PSD3: variants seen among roughly 807,000 people sequenced by gnomAD.
The protein encoded by PSD3 is pleckstrin and Sec7 domain containing 3.
Under a neutral mutation model 105.5 loss-of-function variants are expected in PSD3, and 49 were observed. The observed-to-expected ratio is 0.46, with a 90% CI of 0.37 to 0.59. PSD3 has a LOEUF of 0.59. PSD3 is among the 20% of genes least tolerant of loss of function. PSD3 has a pLI of 0.00. For synonymous variants in PSD3, 557 were observed against 457.8 expected (o/e 1.22, Z -2.77); for missense variants, 1,561 against 1,263.8 (o/e 1.24, Z -3.57).
chr8:18,972,193 C>G lies in PSD3; in HGVS notation c.22-36051G>C, dbSNP rs183657999. Among the ~76,000 whole-genome samples the G allele has an allele frequency of 1.3e-5, 2 of 152,228 alleles. 1 individual carries two copies. The highest frequency in any genetic ancestry group is 1.3e-4 in the Admixed American group (2 of 15,296). Reference sequence around the variant, plus strand: ...CATTAAAACAAACCAAATAGAGTGTCCTTCTGTCAACTAGGCTCCTACTTT... The same window carrying G: ...CATTAAAACAAACCAAATAGAGTGTGCTTCTGTCAACTAGGCTCCTACTTT... On this transcript the variant is annotated intron_variant, in intron 1 of 15. Transcript: ENST00000327040.
At chr8:18,620,106 C>G (rs1805994131) in intron 11 of PSD3, among the ~76,000 whole-genome samples, 1 of 152,206 alleles carries the variant, frequency 6.6e-6, no homozygotes, top group Non-Finnish European at 1.5e-5. Context: ...CCTGTCTACT[C>G]TTCAAGTCCT....
intron 4 of PSD3, among the ~76,000 whole-genome samples, chr8:18,812,985 C>G (rs1484785085): frequency 6.6e-6 from 1 of 152,098 alleles, no homozygotes; most frequent in African/African-American, 2.4e-5. Context: ...GGAGGGAAAA[C>G]TGCAGGGACT....
At chr8:18,936,492 G>A (rs896854089) in intron 1 of PSD3, among the ~76,000 whole-genome samples, 2 of 152,108 alleles carry the variant, frequency 1.3e-5, no homozygotes, top group Non-Finnish European at 2.9e-5. Context: ...GGCTGGACGC[G>A]GTAGCTCACA....
At chr8:19,049,129 C>T (rs1828426436) in intron 1 of PSD3, among the ~76,000 whole-genome samples, 1 of 152,078 alleles carries the variant, frequency 6.6e-6, no homozygotes, top group South Asian at 2.1e-4. Flanking sequence ...CCTTAATTAC[C>T]TCCTTAAAGG....
At chr8:18,551,813 T>G (rs1157342473) in intron 15 of PSD3, among the ~76,000 whole-genome samples, 1 of 152,164 alleles carries the variant, frequency 6.6e-6, no homozygotes, top group East Asian at 1.9e-4. Flanking sequence ...AGAAGTATCT[T>G]CCTTCCAAGC....
chr8:18,634,853 G>A lies in PSD3; in HGVS notation c.2217-2047C>T, dbSNP rs1807146922. ...CACTTGGTTAAGGCAGTGTCCCACA[G>A]GTTCCTCTACAGTAAAGTTACTATT... On this transcript the variant is annotated intron_variant, in intron 10 of 15. Transcript: ENST00000327040. Among the ~76,000 whole-genome samples the A allele has an allele frequency of 3.9e-5, 6 of 152,212 alleles. No individual in the cohort carries two copies. In the South Asian group the frequency reaches 1.2e-3, roughly 32 times the overall value.
At chr8:18,797,393 A>ATT (rs1180464269) in intron 8 of PSD3, among the ~76,000 whole-genome samples, 1 of 152,130 alleles carries the variant, frequency 6.6e-6, no homozygotes, top group Non-Finnish European at 1.5e-5. Context: ...GTAATATTAA[A>ATT]ATGTTAATTT....
rs755816042 is a variant in PSD3 at position 18,871,848 on chromosome 8, T to C, written c.1016A>G (p.Lys339Arg). The C allele has an allele frequency of 1.2e-6, 2 of 1,614,208 alleles. No individual in the cohort carries two copies. Among genetic ancestry groups the C allele is most frequent in the Non-Finnish European group, 1.7e-6 (2 of 1,180,036 alleles). The change falls in exon 3 of 16, where the codon AAA becomes AGA. Residue 339 changes from lysine to arginine, a missense_variant. Coordinates refer to ENST00000327040, the MANE Select transcript of PSD3 (RefSeq NM_015310.4). ...TGATGAGATGAGATGGCGTGGCACT[T>C]TGGAAGACTCTTTGCTGTCAGGAGA... Reference protein sequence around the residue: ...TASPDSKESSKVPRHLISSAG... With the variant: ...TASPDSKESSRVPRHLISSAG...
intron 1 of PSD3, among the ~76,000 whole-genome samples, chr8:19,045,803 C>T (rs991655215): frequency 1.3e-5 from 2 of 152,292 alleles, no homozygotes; most frequent in Non-Finnish European, 1.5e-5. Context: ...TAGGTCCTAG[C>T]ATTCCACTAG....
chr8:18,858,318 A>G (rs558275884), intron 4 of PSD3, among the ~76,000 whole-genome samples: 9 of 152,350 alleles, frequency 5.9e-5, no homozygotes, highest in African/African-American at 2.2e-4. Context: ...TTGCTAAAAA[A>G]TGCTAATGAT....
chr8:18,683,860 G>T (rs770335236), intron 9 of PSD3: 1 of 765,202 alleles, frequency 1.3e-6, no homozygotes, highest in East Asian at 2.4e-5. Flanking sequence ...GAATCCTCCC[G>T]GGAGTATTTC....
At chr8:18,584,626 A>C (rs1803034744) in intron 12 of PSD3, among the ~76,000 whole-genome samples, 1 of 152,230 alleles carries the variant, frequency 6.6e-6, no homozygotes, top group South Asian at 2.1e-4. Context: ...CCAATGAAGC[A>C]AGCTGGCTCA....
At chr8:18,598,654 A>C (rs905941965) in intron 12 of PSD3, among the ~76,000 whole-genome samples, 4 of 152,140 alleles carry the variant, frequency 2.6e-5, no homozygotes, top group African/African-American at 9.7e-5. Flanking sequence ...ATATGTAGAA[A>C]ACCCAAAGAT....
chr8:18,787,320 A>T (rs189066733), intron 8 of PSD3, among the ~76,000 whole-genome samples: 3 of 152,298 alleles, frequency 2.0e-5, no homozygotes, highest in Admixed American at 2.0e-4. Flanking sequence ...AAGCATGGAG[A>T]TTTGAAAATG....
intron 9 of PSD3, among the ~76,000 whole-genome samples, chr8:18,696,322 C>G (rs193096290): frequency 1.3e-5 from 2 of 152,188 alleles, no homozygotes; most frequent in East Asian, 1.9e-4. Context: ...TCATTTAATA[C>G]GTATGACAAA....
chr8:18,943,045 C>A (rs1355762213), intron 1 of PSD3, among the ~76,000 whole-genome samples: 2 of 152,132 alleles, frequency 1.3e-5, no homozygotes, highest in Non-Finnish European at 2.9e-5. Context: ...CCAAAAACAG[C>A]GATGTATAAT....
chr8:18,696,663 G>C (rs913626279), intron 9 of PSD3, among the ~76,000 whole-genome samples: 6 of 152,136 alleles, frequency 3.9e-5, no homozygotes, highest in Admixed American at 6.5e-5. Context: ...ATCAAGATAT[G>C]ATGAGCTTCC....
At chr8:19,080,603 A>C (rs1586704102) in intron 1 of PSD3, among the ~76,000 whole-genome samples, 1 of 152,116 alleles carries the variant, frequency 6.6e-6, no homozygotes, top group Admixed American at 6.6e-5. Flanking sequence ...TCCCTCTCAC[A>C]CAAACCCCCT....
At chr8:18,842,816 A>T (rs77484860) in intron 4 of PSD3, among the ~76,000 whole-genome samples, 2 of 152,316 alleles carry the variant, frequency 1.3e-5, no homozygotes, top group South Asian at 4.1e-4. Flanking sequence ...GGTTTTAGAC[A>T]AACATCTATC....
Sources: gnomAD v4.1 joint callset for allele counts (sites outside exome capture counted in the v4.1 genomes callset) on GRCh38, gnomAD v4.1.1 for gene constraint, MANE v1.5 for transcripts, NCBI Gene and HGNC (gene_info 2026-07-23, HGNC 2026-07-21) for gene names.